Variants in TRPM3 observed in about 807,000 individuals in gnomAD.
TRPM3 encodes long transient receptor potential channel 3.
Under a neutral mutation model 181.2 loss-of-function variants are expected in TRPM3, and 77 were observed. That is an observed-to-expected ratio of 0.42 (90% CI 0.35 to 0.51). The LOEUF (loss-of-function observed/expected upper bound fraction) is 0.51, where lower values mean the gene tolerates loss of function less well. TRPM3 is among the 20% of genes least tolerant of loss of function. The probability of loss-of-function intolerance (pLI) is 0.01; values close to 1 mark genes in which losing one functional copy is unlikely to be tolerated. For missense variants in TRPM3, 1,759 were observed against 2,196.7 expected (o/e 0.80, Z 3.98); for synonymous variants, 745 against 796.4 (o/e 0.94, Z 1.09).
chr9:71,412,644 T>C (rs958368499), intron 1 of TRPM3, among the ~76,000 whole-genome samples: 3 of 152,132 alleles, frequency 2.0e-5, no homozygotes, highest in African/African-American at 7.2e-5. Flanking sequence ...TTTTACACTG[T>C]TTGTGGAGAT....
intron 1 of TRPM3, among the ~76,000 whole-genome samples, chr9:71,388,218 A>G (rs1262772642): frequency 6.6e-6 from 1 of 152,226 alleles, no homozygotes; most frequent in Admixed American, 6.5e-5. Flanking sequence ...TTATGTTTAC[A>G]ATCTCATACA....
chr9:71,068,468 G>A (rs1269570889), intron 1 of TRPM3, among the ~76,000 whole-genome samples: 1 of 152,174 alleles, frequency 6.6e-6, no homozygotes, highest in African/African-American at 2.4e-5. Context: ...GAACCAGGTG[G>A]CAGTGGGACC....
At position 71,145,169 on chromosome 9, in the gene TRPM3, G is replaced by A. The variant is rs189960951; in HGVS notation, c.184-280658C>T. On this transcript the variant is annotated intron_variant, in intron 1 of 24. Transcript: ENST00000357533. ...TCATAATTATAATGAAGAGCAAAGA[G>A]TCAACGGTCACATGCCCTTTAGTCT... Among the ~76,000 whole-genome samples the A allele has an allele frequency of 1.6e-4, 25 of 152,234 alleles. No homozygotes were observed. In the East Asian group the frequency reaches 4.8e-3, roughly 29 times the overall value.
At chr9:70,639,873 A>G (rs776008441) in intron 10 of TRPM3, among the ~76,000 whole-genome samples, 47 of 152,182 alleles carry the variant, frequency 3.1e-4, no homozygotes, top group Non-Finnish European at 5.0e-4. Context: ...TCCCAGGCAG[A>G]AACTCTCTAG....
intron 1 of TRPM3, among the ~76,000 whole-genome samples, chr9:71,316,908 T>C (rs1486369038): frequency 6.6e-6 from 1 of 152,222 alleles, no homozygotes; most frequent in Non-Finnish European, 1.5e-5. Flanking sequence ...ACTTTTCAGA[T>C]GGATAATGGC....
intron 1 of TRPM3, among the ~76,000 whole-genome samples, chr9:71,087,024 T>G (rs2065389052): frequency 6.6e-6 from 1 of 152,034 alleles, no homozygotes; most frequent in African/African-American, 2.4e-5. Flanking sequence ...TCAATAGCCA[T>G]TGACTCCAAA....
intron 6 of TRPM3, among the ~76,000 whole-genome samples, chr9:70,812,266 T>G (rs557966090): frequency 6.6e-6 from 1 of 152,284 alleles, no homozygotes; most frequent in South Asian, 2.1e-4. Context: ...TATTGGGAAG[T>G]AGGAGTTTGG....
At chr9:71,114,976 A>G (rs1378912991) in intron 1 of TRPM3, among the ~76,000 whole-genome samples, 1 of 152,216 alleles carries the variant, frequency 6.6e-6, no homozygotes, top group Non-Finnish European at 1.5e-5. Context: ...AATAAAAAGA[A>G]ATAGGGAAAA....
chr9:70,699,987 T>C (rs762034865), intron 8 of TRPM3, among the ~76,000 whole-genome samples: 2 of 152,044 alleles, frequency 1.3e-5, no homozygotes, highest in Non-Finnish European at 2.9e-5. Flanking sequence ...GTTTGTTTGT[T>C]TGTTTGTTTT....
intron 2 of TRPM3, among the ~76,000 whole-genome samples, chr9:70,863,546 T>A (rs2095572297): frequency 6.6e-6 from 1 of 152,144 alleles, no homozygotes; most frequent in Non-Finnish European, 1.5e-5. Context: ...CACTTCTTTG[T>A]GAATCACAAC....
rs1307452325 is a variant in TRPM3, at chr9:70,625,528, A to C, written c.1633-11T>G. ...ACCTGGATACTCTCGCTTGGAAAGAAGACATAAGTTAAATAAGAAGATGCA... is the reference window on the plus strand; with the variant it reads ...ACCTGGATACTCTCGCTTGGAAAGACGACATAAGTTAAATAAGAAGATGCA... On this transcript the variant is annotated splice_polypyrimidine_tract_variant and intron_variant, in intron 12 of 25. Transcript: ENST00000677713. The surrounding 1 kb of genome is among the most constrained non-coding windows in gnomAD (Gnocchi z 4.8). 1 of 1,609,408 alleles carries C rather than the reference A, an allele frequency of 6.2e-7. No homozygotes were observed. The highest frequency in any genetic ancestry group is 1.3e-5 in the African/African-American group (1 of 74,672).
intron 1 of TRPM3, among the ~76,000 whole-genome samples, chr9:71,423,178 G>A (rs529875334): frequency 6.6e-6 from 1 of 152,090 alleles, no homozygotes; most frequent in Non-Finnish European, 1.5e-5. Context: ...TTCATTAACA[G>A]TAAGTTCACT....
At chr9:70,590,055 C>CA (rs1182442416) in intron 22 of TRPM3, among the ~76,000 whole-genome samples, 6 of 151,880 alleles carry the variant, frequency 4.0e-5, no homozygotes, top group Non-Finnish European at 8.8e-5. Context: ...GGCCTGTCAG[C>CA]AAAAAAATGT....
chr9:70,550,337 G>A (rs1206125974), intron 24 of TRPM3, among the ~76,000 whole-genome samples: 2 of 152,274 alleles, frequency 1.3e-5, no homozygotes, highest in East Asian at 1.9e-4. Context: ...TGGAGGTGAG[G>A]CATCTATTTT....
intron 1 of TRPM3, among the ~76,000 whole-genome samples, chr9:71,072,011 A>C (rs576649125): frequency 1.5e-3 from 222 of 152,286 alleles, no homozygotes; most frequent in Middle Eastern, 0.01. Context: ...TGTTTTTGGT[A>C]CTGGGTCTCT....
chr9:70,862,032 G>A (rs753572394), intron 3 of TRPM3, among the ~76,000 whole-genome samples: 2 of 151,996 alleles, frequency 1.3e-5, no homozygotes, highest in Non-Finnish European at 2.9e-5. Context: ...GTTTTAGACT[G>A]CCATTCATGT....
In TRPM3 at chr9:70,533,585, T is replaced by C. The variant is rs1277367769; in HGVS notation, c.*2368A>G. On this transcript the variant is annotated 3_prime_UTR_variant, in exon 26 of 26. Transcript: ENST00000677713. ...CAAGTTATATTGCAACTTTGCATTA[T>C]GTACATTTTTTTTTTCTTTCTGGAG... 6.6e-6 allele frequency: 1 copy of C among 152,106 alleles called. No homozygotes were observed. 9.4% of individuals were successfully genotyped at this position (152,106 alleles called of 1,614,324 possible). A position where few individuals can be genotyped will look rare whatever the true frequency, so the allele number is the denominator to read the frequency against.
At position 70,531,812 on chromosome 9, in the gene TRPM3, C is replaced by A. The variant is rs899710351; in HGVS notation, c.*4141G>T. 6.6e-6 allele frequency: 1 copy of A among 152,056 alleles called. No individual in the cohort carries two copies. Among genetic ancestry groups the A allele is most frequent in the Non-Finnish European group, 1.5e-5 (1 of 68,024 alleles). The allele number at this position is 152,056 out of a possible 1,614,324, so 9.4% of individuals were successfully genotyped here. A position where few individuals can be genotyped will look rare whatever the true frequency, so the allele number is the denominator to read the frequency against. On this transcript the variant is annotated 3_prime_UTR_variant, in exon 26 of 26. Transcript: ENST00000677713. ...AAATCACAACTTGCCTACCACAGCTCGCAGGACTCATTAGAGGATATACAT... is the reference window on the plus strand; with the variant it reads ...AAATCACAACTTGCCTACCACAGCTAGCAGGACTCATTAGAGGATATACAT...
intron 1 of TRPM3, among the ~76,000 whole-genome samples, chr9:71,374,761 AAATT>A (rs757813613): frequency 1.3e-4 from 20 of 152,208 alleles, no homozygotes; most frequent in Non-Finnish European, 2.8e-4. Context: ...TCAGGATGTA[AAATT>A]AATGTGCAGA....
Sources: allele counts gnomAD v4.1 joint callset (sites outside exome capture counted in the v4.1 genomes callset), GRCh38; gene constraint gnomAD v4.1.1; non-coding constraint Gnocchi (gnomAD v3.1); transcripts MANE v1.5; gene names NCBI Gene and HGNC (gene_info 2026-07-23, HGNC 2026-07-21).